The following SLC14A2 variants were observed in gnomAD, a reference collection of about 807,000 sequenced individuals.
The protein encoded by SLC14A2 is urea transporter 2.
In SLC14A2, 91 loss-of-function variants were observed where a neutral mutation model predicts 104.6. That is an observed-to-expected ratio of 0.87 (90% CI 0.73 to 1.04). The LOEUF (loss-of-function observed/expected upper bound fraction) is 1.04. SLC14A2 is among the 50% of genes least tolerant of loss of function. The pLI, the probability that SLC14A2 is intolerant of heterozygous loss-of-function variation, is 0.00. For synonymous variants in SLC14A2, 476 were observed against 466.4 expected, an observed-to-expected ratio of 1.02 and a Z score of -0.27; for missense variants, 1,189 against 1,156.0, an observed-to-expected ratio of 1.03 and a Z score of -0.41.
the SLC14A2 span, among the ~76,000 whole-genome samples, chr18:45,199,460 GTTCTTTT>G: frequency 2.0e-4 from 31 of 151,988 alleles, no homozygotes; most frequent in African/African-American, 7.5e-4. Context: ...AATTTGTTCA[GTTCTTTT>G]TTCATTTTAC....
At chr18:45,676,133 G>A (rs543701734) in intron 18 of SLC14A2, among the ~76,000 whole-genome samples, 8 of 152,164 alleles carry the variant, frequency 5.3e-5, no homozygotes, top group South Asian at 2.1e-4. Flanking sequence ...AAAATCAGTC[G>A]TCATTTATAT....
At chr18:45,304,029 A>G (rs2084993180) in intron 1 of SLC14A2, among the ~76,000 whole-genome samples, 1 of 152,212 alleles carries the variant, frequency 6.6e-6, no homozygotes, top group African/African-American at 2.4e-5. Flanking sequence ...CAGAGCTTAC[A>G]ATATTCAGGG....
intron 2 of SLC14A2, among the ~76,000 whole-genome samples, chr18:45,557,725 A>G (rs1342263642): frequency 6.6e-6 from 1 of 151,980 alleles, no homozygotes; most frequent in East Asian, 1.9e-4. Context: ...TTCTTCCCTT[A>G]TTTTGCCTGT....
chr18:45,403,200 T>G (rs1212401463), intron 1 of SLC14A2, among the ~76,000 whole-genome samples: 1 of 152,164 alleles, frequency 6.6e-6, no homozygotes. Context: ...TGAGGAGAGA[T>G]AGATCTTTGG....
chr18:45,209,580 A>G (rs1407504593), upstream of SLC14A2, among the ~76,000 whole-genome samples: 1 of 151,460 alleles, frequency 6.6e-6, no homozygotes, highest in Non-Finnish European at 1.5e-5. Context: ...AGAATCTTTT[A>G]GAATTTGTAG....
At chr18:45,212,382 A>G (rs938971260), upstream of SLC14A2, among the ~76,000 whole-genome samples, 1 of 152,226 alleles carries the variant, frequency 6.6e-6, no homozygotes, top group Admixed American at 6.5e-5. Flanking sequence ...TTCCTTAGCT[A>G]TGTGACCTTG....
chr18:45,207,466 G>A, the SLC14A2 span, among the ~76,000 whole-genome samples: 1 of 150,740 alleles, frequency 6.6e-6, no homozygotes, highest in Non-Finnish European at 1.5e-5. Flanking sequence ...AGAGGGGAAG[G>A]AAAGTGAAGA....
chr18:45,378,399 T>C (rs1292396722), intron 1 of SLC14A2, among the ~76,000 whole-genome samples: 3 of 152,192 alleles, frequency 2.0e-5, no homozygotes, highest in Non-Finnish European at 4.4e-5. Flanking sequence ...CATTTAGAAT[T>C]GAGCTTGGAT....
chr18:45,475,619 GATATATATATATATATATTTAGGATAT>G (rs1271438851), intron 1 of SLC14A2, among the ~76,000 whole-genome samples: 1,019 of 67,398 alleles, frequency 0.015, 2 homozygotes, highest in Middle Eastern at 0.026. Context: ...ATATATTTAG[GATATATATATATATATATTTAGGATAT>G]ATATATATAT....
At chr18:45,378,550 A>T (rs146733097) in intron 1 of SLC14A2, among the ~76,000 whole-genome samples, 9 of 152,324 alleles carry the variant, frequency 5.9e-5, no homozygotes, top group Non-Finnish European at 1.0e-4. Context: ...CCTGAATTCT[A>T]ATTTATTCTT....
chr18:45,236,183 GTGTGTATATA>G (rs1233108553), intron 1 of SLC14A2, among the ~76,000 whole-genome samples: 2 of 53,064 alleles, frequency 3.8e-5, no homozygotes, highest in Admixed American at 4.5e-4. Flanking sequence ...ATACATATAT[GTGTGTATATA>G]TGTGTATATA....
chr18:45,409,690 G>T (rs896530637), intron 1 of SLC14A2, among the ~76,000 whole-genome samples: 11 of 152,110 alleles, frequency 7.2e-5, no homozygotes, highest in African/African-American at 2.7e-4. Flanking sequence ...AGATGAAAAT[G>T]AAGAAGCAAA....
intron 1 of SLC14A2, among the ~76,000 whole-genome samples, chr18:45,467,406 C>T (rs2087164832): frequency 6.6e-6 from 1 of 152,198 alleles, no homozygotes; most frequent in African/African-American, 2.4e-5. Context: ...GCCCCTGCAA[C>T]CTCATATCCT....
intron 2 of SLC14A2, among the ~76,000 whole-genome samples, chr18:45,519,696 C>CTA (rs934712980): frequency 1.3e-5 from 2 of 152,194 alleles, no homozygotes; most frequent in African/African-American, 4.8e-5. Flanking sequence ...CAAAAAGGGG[C>CTA]TAAGCCAAAG....
rs1317178417 is a variant in SLC14A2, at chr18:45,226,917, C to T, written c.-125+13726C>T. On this transcript the variant is annotated intron_variant, in intron 1 of 20. Coordinates refer to the SLC14A2 transcript ENST00000586448. ...CTCCTAATTAGAGTCCGGAGGTGGG[C>T]AGCAGCTGGCACACACTCAACAGCT... Among the ~76,000 whole-genome samples the T allele has an allele frequency of 3.9e-5, 6 of 152,228 alleles. No individual in the cohort carries two copies. In the South Asian group the frequency reaches 1.2e-3, roughly 32 times the overall value.
chr18:45,409,991 G>C (rs1229031061), intron 1 of SLC14A2, among the ~76,000 whole-genome samples: 1 of 152,096 alleles, frequency 6.6e-6, no homozygotes, highest in Admixed American at 6.6e-5. Flanking sequence ...GTAACTAGTT[G>C]GTCCTATGCT....
intron 1 of SLC14A2, among the ~76,000 whole-genome samples, chr18:45,387,618 C>A (rs1190583029): frequency 6.6e-6 from 1 of 152,170 alleles, no homozygotes; most frequent in Non-Finnish European, 1.5e-5. Flanking sequence ...TCAAAAATTT[C>A]TTAATGACTG....
At chr18:45,340,271 C>T (rs1474340846) in intron 1 of SLC14A2, among the ~76,000 whole-genome samples, 1 of 152,214 alleles carries the variant, frequency 6.6e-6, no homozygotes, top group African/African-American at 2.4e-5. Flanking sequence ...GCTTATGCAA[C>T]CTTGGGCAGT....
chr18:45,322,903 G>C, intron 1 of SLC14A2, among the ~76,000 whole-genome samples: 1 of 152,136 alleles, frequency 6.6e-6, no homozygotes, highest in East Asian at 1.9e-4. Context: ...GTCAATGCTT[G>C]AATTGATAAA....
Sources: gnomAD v4.1 joint callset for allele counts (sites outside exome capture counted in the v4.1 genomes callset) on GRCh38, gnomAD v4.1.1 for gene constraint, MANE v1.5 for transcripts, NCBI Gene and HGNC (gene_info 2026-07-23, HGNC 2026-07-21) for gene names.